USP34: variants seen among roughly 807,000 people sequenced by gnomAD.
USP34 encodes ubiquitin specific peptidase 34.
A neutral mutation model predicts 460.3 loss-of-function variants in USP34; 70 were observed. The ratio of observed to expected loss-of-function variants is 0.15; its 90% CI spans 0.13 to 0.19. The LOEUF (loss-of-function observed/expected upper bound fraction) is 0.19. Ranked by LOEUF, USP34 falls within the 10% of genes least tolerant of loss-of-function variation. The probability of loss-of-function intolerance (pLI) is 1.00; values close to 1 mark genes in which losing one functional copy is unlikely to be tolerated. For missense variants in USP34, 3,985 were observed against 4,236.2 expected (o/e 0.94, Z 1.65); for synonymous variants, 1,647 against 1,405.3 (o/e 1.17, Z -3.85).
At chr2:61,436,075 A>T (rs1008981530) in intron 1 of USP34, among the ~76,000 whole-genome samples, 1 of 152,100 alleles carries the variant, frequency 6.6e-6, no homozygotes, top group Non-Finnish European at 1.5e-5. Context: ...CAACAACAAA[A>T]AAATTCAACA....
chr2:61,333,768 A>T, intron 19 of USP34, 114 bp downstream of exon 19: 1 of 620,768 alleles, frequency 1.6e-6, no homozygotes, highest in Non-Finnish European at 2.5e-6. Flanking sequence ...AAACCACATG[A>T]AACTCAAATT....
At chr2:61,410,908 A>C (rs1042159471) in intron 2 of USP34, among the ~76,000 whole-genome samples, 2 of 152,198 alleles carry the variant, frequency 1.3e-5, no homozygotes, top group African/African-American at 4.8e-5. Context: ...AACATAAGAT[A>C]TCTCTAAAGG....
intron 1 of USP34, among the ~76,000 whole-genome samples, chr2:61,459,426 G>C (rs1695534526): frequency 6.6e-6 from 1 of 152,104 alleles, no homozygotes; most frequent in African/African-American, 2.4e-5. Flanking sequence ...ATTCATCATA[G>C]TATTCCAACT....
intron 49 of USP34, among the ~76,000 whole-genome samples, chr2:61,247,278 G>C (rs1688442072): frequency 6.6e-6 from 1 of 152,180 alleles, no homozygotes; most frequent in Admixed American, 6.5e-5. Context: ...TGGCTGACTT[G>C]AGGGTACAGT....
rs553018572 is a variant in USP34, at chr2:61,387,800, A to G, written c.754-4464T>C. On this transcript the variant is annotated intron_variant, in intron 5 of 79. Transcript: ENST00000398571. ...TTTACGTATACACACATGTAAAAAT[A>G]TATTTTACGTATACACACATGTAAA... Among the ~76,000 whole-genome samples, 66 of 149,274 alleles carry G rather than the reference A, an allele frequency of 4.4e-4. No individual in the cohort carries two copies. In the South Asian group the frequency reaches 9.0e-3, roughly 20 times the overall value.
chr2:61,373,706 G>C (rs184054287), intron 8 of USP34, among the ~76,000 whole-genome samples: 6 of 152,280 alleles, frequency 3.9e-5, no homozygotes, highest in African/African-American at 1.4e-4. Flanking sequence ...ACTCGCATTA[G>C]TTATATTCTA....
chr2:61,465,598 T>C (rs977337082), intron 1 of USP34, among the ~76,000 whole-genome samples: 3 of 152,166 alleles, frequency 2.0e-5, no homozygotes, highest in African/African-American at 2.4e-5. Context: ...ATTCCAGTAC[T>C]TGGGGAGGCT....
intron 48 of USP34, among the ~76,000 whole-genome samples, chr2:61,251,912 T>C (rs1371152852): frequency 6.6e-6 from 1 of 152,092 alleles, no homozygotes; most frequent in African/African-American, 2.4e-5. Context: ...GACTGTGCAT[T>C]TGTTTCATCT....
At chr2:61,228,082 A>G (rs1270481695) in intron 61 of USP34, among the ~76,000 whole-genome samples, 2 of 152,184 alleles carry the variant, frequency 1.3e-5, no homozygotes, top group Non-Finnish European at 2.9e-5. Flanking sequence ...ATCAAAGCAC[A>G]ACAAGTCACT....
chr2:61,194,792 A>C (rs1356742035), intron 75 of USP34, among the ~76,000 whole-genome samples: 2 of 152,148 alleles, frequency 1.3e-5, no homozygotes, highest in Non-Finnish European at 2.9e-5. Flanking sequence ...CGTCTCTAGT[A>C]AAAATACAAA....
intron 27 of USP34, among the ~76,000 whole-genome samples, chr2:61,303,374 C>T (rs1008521380): frequency 5.3e-5 from 8 of 151,546 alleles, no homozygotes; most frequent in Admixed American, 2.0e-4. Context: ...GCCAGAATAT[C>T]GTAACATCTT....
chr2:61,356,475 G>GCGCGCACGCACACACACA (rs369666693), intron 10 of USP34, among the ~76,000 whole-genome samples: 30 of 128,420 alleles, frequency 2.3e-4, no homozygotes, highest in African/African-American at 7.3e-4. Context: ...GGGTGAAAGC[G>GCGCGCACGCACACACACA]CACACACACA....
chr2:61,400,315 T>C (rs1693676929), intron 3 of USP34, among the ~76,000 whole-genome samples: 1 of 152,228 alleles, frequency 6.6e-6, no homozygotes, highest in African/African-American at 2.4e-5. Context: ...TTCACTGTGT[T>C]AGCCAAGATG....
At chr2:61,420,131 C>T (rs1694314539) in intron 2 of USP34, among the ~76,000 whole-genome samples, 1 of 152,150 alleles carries the variant, frequency 6.6e-6, no homozygotes, top group Non-Finnish European at 1.5e-5. Flanking sequence ...ATGCTTCAAA[C>T]ATTCTTACCC....
intron 2 of USP34, among the ~76,000 whole-genome samples, chr2:61,412,230 CAG>C (rs1168031245): frequency 1.6e-5 from 2 of 127,764 alleles, no homozygotes; most frequent in African/African-American, 6.0e-5. Context: ...AAGAAAGAAA[CAG>C]AAAGAAAAGA....
chr2:61,392,319 C>CA (rs1309434315), intron 5 of USP34, among the ~76,000 whole-genome samples: 1 of 152,004 alleles, frequency 6.6e-6, no homozygotes, highest in Non-Finnish European at 1.5e-5. Context: ...CTCTCAAAAA[C>CA]AAAAACAAAA....
chr2:61,427,656 C>G (rs1217277287), intron 1 of USP34, among the ~76,000 whole-genome samples: 1 of 152,116 alleles, frequency 6.6e-6, no homozygotes, highest in Non-Finnish European at 1.5e-5. Context: ...TAAGAAGACT[C>G]CAGCAGAAAT....
At chr2:61,195,447 G>A (rs1246045081) in intron 75 of USP34, among the ~76,000 whole-genome samples, 1 of 151,498 alleles carries the variant, frequency 6.6e-6, no homozygotes, top group African/African-American at 2.4e-5. Flanking sequence ...GCCAAGGCAG[G>A]CAGATCATGA....
intron 3 of USP34, among the ~76,000 whole-genome samples, chr2:61,404,819 A>T (rs1223235639): frequency 1.3e-5 from 2 of 152,212 alleles, no homozygotes; most frequent in Non-Finnish European, 2.9e-5. Flanking sequence ...AATTCCCACT[A>T]TGCCTAGAAA....
Sources: gnomAD v4.1 joint callset for allele counts (sites outside exome capture counted in the v4.1 genomes callset) on GRCh38, gnomAD v4.1.1 for gene constraint, MANE v1.5 for transcripts, NCBI Gene and HGNC (gene_info 2026-07-23, HGNC 2026-07-21) for gene names.